The following FRRS1 variants were observed in gnomAD, a reference collection of about 807,000 sequenced individuals.
The protein encoded by FRRS1 is ferric chelate reductase 1, also known as ferric reductase 1.
A neutral mutation model predicts 70.7 loss-of-function variants in FRRS1; 51 were observed. The observed-to-expected ratio is 0.72, with a 90% CI of 0.58 to 0.91. FRRS1 has a LOEUF of 0.91. Among genes scored for constraint, FRRS1 ranks in the 40% least tolerant of loss-of-function variants. The pLI is 0.00. For synonymous variants in FRRS1, 225 were observed against 238.7 expected (o/e 0.94, Z 0.53); for missense variants, 672 against 726.0 (o/e 0.93, Z 0.86).
rs754444695 is a variant in FRRS1 at position 99,715,614 on chromosome 1, G to C, written c.1295C>G (p.Pro432Arg). 9 of 1,611,922 alleles carry C rather than the reference G, an allele frequency of 5.6e-6. No homozygotes were observed. In the East Asian group the frequency reaches 2.0e-4, roughly 36 times the overall value. Residue 432 changes from proline (P) to arginine (R), a missense_variant, in exon 12 of 17, where the codon CCG becomes CGG. Transcript: ENST00000646001. ...TVLTCIAFVM[P>R]FIYRGGWSRH... ...ACTCCAGCCTCCCCTGTATATAAAC[G>C]GCATAACAAAAGCAATGCAGGTGAG...
chr1:99,742,972 T>G (rs1175234273), intron 4 of FRRS1, among the ~76,000 whole-genome samples: 5 of 152,132 alleles, frequency 3.3e-5, no homozygotes, highest in African/African-American at 1.2e-4. Flanking sequence ...CCATTTTTGG[T>G]GTAAAAATAA....
intron 7 of FRRS1, among the ~76,000 whole-genome samples, chr1:99,737,046 C>CCCTT (rs5776491): frequency 0.49 from 74,580 of 151,422 alleles, 22,300 homozygotes; most frequent in African/African-American, 0.85. Context: ...AAGACAAGAA[C>CCCTT]GCCTGTGCTA....
chr1:99,763,451 G>A (rs1657205091), intron 1 of FRRS1, among the ~76,000 whole-genome samples: 1 of 152,144 alleles, frequency 6.6e-6, no homozygotes, highest in South Asian at 2.1e-4. Flanking sequence ...TATAAGCAAG[G>A]ATGTGAAGAA....
chr1:99,723,579 G>A (rs1571109264), intron 9 of FRRS1, among the ~76,000 whole-genome samples: 1 of 152,228 alleles, frequency 6.6e-6, no homozygotes, highest in East Asian at 1.9e-4. Flanking sequence ...TACATATGAA[G>A]AAGCAAAAAT....
chr1:99,709,331 G>T, intron 15 of FRRS1, 72 bp from the exon 16 acceptor site: 1 of 1,032,522 alleles, frequency 9.7e-7, no homozygotes, highest in Non-Finnish European at 1.5e-6. Flanking sequence ...AAAAAAACCT[G>T]ATTTGTACTG....
intron 15 of FRRS1, 61 bp from the exon 16 acceptor site, chr1:99,709,320 T>TA (rs953623625): frequency 6.7e-5 from 80 of 1,198,980 alleles, no homozygotes; most frequent in Non-Finnish European, 8.9e-5. Context: ...TTAAATTTTT[T>TA]AAAAAAACCT....
chr1:99,708,745 T>C lies in FRRS1; in HGVS notation c.*283A>G. ...TTTATTTTCTTAAATACCAACATTC[T>C]TAAAATCTTGGCATGAAATATTTGA... On this transcript the variant is annotated 3_prime_UTR_variant, in exon 17 of 17. Coordinates refer to ENST00000646001, the MANE Select transcript of FRRS1 (RefSeq NM_001361041.2). 1.9e-6 allele frequency: 1 copy of C among 530,654 alleles called. No homozygotes were observed. The highest frequency in any genetic ancestry group is 3.0e-5 in the East Asian group (1 of 33,780). 32.9% of individuals were successfully genotyped at this position (530,654 alleles called of 1,614,324 possible).
chr1:99,736,829 C>T (rs1655695810), intron 7 of FRRS1, among the ~76,000 whole-genome samples: 1 of 125,184 alleles, frequency 8.0e-6, no homozygotes. Context: ...AGAATTAGGA[C>T]AATTAAAAAA....
chr1:99,725,374 T>C (rs1420627084), intron 9 of FRRS1, among the ~76,000 whole-genome samples: 1 of 152,216 alleles, frequency 6.6e-6, no homozygotes, highest in Admixed American at 6.5e-5. Context: ...TATTGTTCCC[T>C]GTATCCCCTC....
At position 99,720,628 on chromosome 1, in the gene FRRS1, C is replaced by T. The variant is rs534889439; in HGVS notation, c.1007-981G>A. ...AAAATGCAACAAAACTAAAAATTAA[C>T]ATTGAAAAGCTAGGGGGAAAATTGT... On this transcript the variant is annotated intron_variant, in intron 9 of 16. Transcript: ENST00000646001. Among the ~76,000 whole-genome samples, 219 of 151,804 alleles carry T rather than the reference C, an allele frequency of 1.4e-3. 1 individual carries two copies. Among genetic ancestry groups the T allele is most frequent in the African/African-American group, 5.1e-3 (211 of 41,420 alleles).
chr1:99,713,744 C>A (rs1469938159), intron 12 of FRRS1, among the ~76,000 whole-genome samples: 1 of 152,106 alleles, frequency 6.6e-6, no homozygotes, highest in African/African-American at 2.4e-5. Flanking sequence ...CTGAACATAT[C>A]AGTGGATATC....
rs1470454352 is a variant in FRRS1 at position 99,705,391 on chromosome 1, C to A, written c.*3637G>T. On this transcript the variant is annotated 3_prime_UTR_variant, in exon 17 of 17. Coordinates refer to ENST00000646001, the MANE Select transcript of FRRS1 (RefSeq NM_001361041.2). ...GGATAGGAACTGTGAATATCCTAAT[C>A]TGATTTAAAAAGGACTCTTAGAAGA... 6.6e-6 allele frequency among the ~76,000 whole-genome samples: 1 copy of A among 152,224 alleles called. No homozygotes were observed. Among genetic ancestry groups the A allele is most frequent in the African/African-American group, 2.4e-5 (1 of 41,442 alleles).
At chr1:99,759,463 G>A (rs1398506273) in intron 1 of FRRS1, among the ~76,000 whole-genome samples, 1 of 152,244 alleles carries the variant, frequency 6.6e-6, no homozygotes, top group Non-Finnish European at 1.5e-5. Context: ...TAGGATTTGG[G>A]GCAAACCTGG....
At chr1:99,729,498 C>A in intron 8 of FRRS1, 152 bp downstream of exon 8, 1 of 533,142 alleles carries the variant, frequency 1.9e-6, no homozygotes, top group Non-Finnish European at 3.4e-6. Context: ...TCTCAGAAAT[C>A]ATTATGAGAG....
chr1:99,736,867 T>C (rs1163577423), intron 7 of FRRS1, among the ~76,000 whole-genome samples: 1 of 150,688 alleles, frequency 6.6e-6, no homozygotes, highest in Non-Finnish European at 1.5e-5. Context: ...ACATCCAGCG[T>C]CTTACAATAC....
At chr1:99,748,858 C>T (rs1270089867) in intron 2 of FRRS1, 39 bp downstream of exon 2, 1 of 917,032 alleles carries the variant, frequency 1.1e-6, no homozygotes, top group Admixed American at 2.7e-5. Flanking sequence ...TAGATAACTA[C>T]TTGCTTTCTG....
chr1:99,715,630 T>G lies in FRRS1; in HGVS notation c.1279A>C (p.Ile427Leu). ...TATATAAACGGCATAACAAAAGCAA[T>G]GCAGGTGAGGACAGTTGTGGTGAAC... ...LMFTTTVLTC[I>L]AFVMPFIYRG... The change falls in exon 12 of 17, where the codon ATT becomes CTT. Residue 427 changes from isoleucine (I) to leucine (L), a missense_variant. Coordinates refer to ENST00000646001, the MANE Select transcript of FRRS1 (RefSeq NM_001361041.2). 2 of 1,613,710 alleles carry G rather than the reference T, an allele frequency of 1.2e-6. No homozygotes were observed. The highest frequency in any genetic ancestry group is 2.7e-5 in the African/African-American group (2 of 75,032).
intron 4 of FRRS1, among the ~76,000 whole-genome samples, chr1:99,746,514 G>T (rs951614412): frequency 3.0e-4 from 45 of 152,300 alleles, no homozygotes; most frequent in African/African-American, 1.1e-3. Flanking sequence ...AAAAAAGGTG[G>T]GGGACGAAGG....
chr1:99,706,239 A>T lies in FRRS1; in HGVS notation c.*2789T>A, dbSNP rs943307388. Among the ~76,000 whole-genome samples, 8 of 150,310 alleles carry T rather than the reference A, an allele frequency of 5.3e-5. No individual in the cohort carries two copies. The highest frequency in any genetic ancestry group is 1.0e-4 in the Non-Finnish European group (7 of 67,544). On this transcript the variant is annotated 3_prime_UTR_variant, in exon 17 of 17. Coordinates refer to ENST00000646001, the MANE Select transcript of FRRS1 (RefSeq NM_001361041.2). ...CCTTCTCTACCAAAAAAAAAAAAAA[A>T]TTTTTTTTTAATTAGCTGGCTGTGG...
Sources: gnomAD v4.1 joint callset for allele counts (sites outside exome capture counted in the v4.1 genomes callset) on GRCh38, gnomAD v4.1.1 for gene constraint, MANE v1.5 for transcripts, NCBI Gene and HGNC (gene_info 2026-07-23, HGNC 2026-07-21) for gene names.